The following NUMA1 variants were observed in gnomAD, a reference collection of about 807,000 sequenced individuals.
The protein encoded by NUMA1 is SP-H antigen.
NUMA1 carries 62 observed loss-of-function variants against 237.1 expected under a neutral mutation model. The ratio of observed to expected loss-of-function variants is 0.26; its 90% CI spans 0.21 to 0.32. The LOEUF (loss-of-function observed/expected upper bound fraction) is 0.32. Among genes scored for constraint, NUMA1 ranks in the 10% least tolerant of loss-of-function variants. The pLI is 1.00. For synonymous variants in NUMA1, 1,028 were observed against 1,066.1 expected (o/e 0.96, Z 0.70); for missense variants, 2,533 against 2,666.5 (o/e 0.95, Z 1.10).
intron 4 of NUMA1, among the ~76,000 whole-genome samples, chr11:72,026,652 T>A (rs926197567): frequency 1.1e-4 from 17 of 152,170 alleles, no homozygotes; most frequent in East Asian, 3.8e-4. Context: ...ATTTTTTTTT[T>A]AATTTTTTAA....
intron 3 of NUMA1, among the ~76,000 whole-genome samples, chr11:72,031,126 C>A (rs564574291): frequency 1.3e-5 from 2 of 151,808 alleles, no homozygotes; most frequent in South Asian, 4.2e-4. Context: ...CTTGTCTCTA[C>A]TAAATAAATA....
chr11:72,019,600 A>C lies in NUMA1; in HGVS notation c.478T>G (p.Cys160Gly). ...FLQKAPVPST[C>G]SSTFPEELSP... is the part of the protein sequence containing the mutation. ...AGCTCTTCAGGGAATGTGCTAGAAC[A>C]GGTAGAAGGCACAGGAGCTGGGGGT... Residue 160 changes from cysteine (C) to glycine (G), a missense_variant, in exon 9 of 27, where the codon TGT (cysteine) becomes GGT (glycine). Transcript: ENST00000393695. 6.2e-7 allele frequency: 1 copy of C among 1,613,578 alleles called. No homozygotes were observed. Among genetic ancestry groups the C allele is most frequent in the Non-Finnish European group, 8.5e-7 (1 of 1,179,626 alleles).
Position 72,015,854 on chromosome 11 carries a change from C to T in NUMA1, c.1649G>A (p.Arg550His), listed in dbSNP as rs1451844373. Residue 550 changes from arginine (R) to histidine (H), a missense_variant, in exon 15 of 27, where the codon CGC (arginine) becomes CAC (histidine). Around this residue, in one of 3 missense-constraint regions of NUMA1, gnomAD observed 1,414 missense variants for 1,508.1 expected, o/e 0.94. Transcript: ENST00000393695. The surrounding 1 kb of genome is among the most constrained non-coding windows in gnomAD (Gnocchi z 4.0). ...ACTGCTTAGCTGCTCCACCTGGTGG[C>T]GGAGGCCCTGGGAGGCCTGTTCTTG... Reference protein sequence around the residue: ...QQQEQASQGLRHQVEQLSSSL... With the variant: ...QQQEQASQGLHHQVEQLSSSL... The T allele has an allele frequency of 1.4e-5, 22 of 1,614,016 alleles. No individual in the cohort carries two copies. Among genetic ancestry groups the T allele is most frequent in the Non-Finnish European group, 1.7e-5 (20 of 1,180,036 alleles).
rs35681270 is a variant in NUMA1, at chr11:72,004,687, G to A, written c.5959C>T (p.Arg1987Cys). Reference protein sequence around the residue: ...EGTGITTRQQRKRVSLEPHQG... With the variant: ...EGTGITTRQQCKRVSLEPHQG... ...TGGGGCTCTAGGGAGACCCGTTTGCGCTGCTGCCGGGTGGTGATGCCAGTG... is the reference window on the plus strand; with the variant it reads ...TGGGGCTCTAGGGAGACCCGTTTGCACTGCTGCCGGGTGGTGATGCCAGTG... Residue 1987 changes from arginine (R) to cysteine (C), a missense_variant, in exon 24 of 27, where the codon CGC becomes TGC. Arg to Cys is a radical substitution (Grantham distance 180). Around this residue, in one of 3 missense-constraint regions of NUMA1, gnomAD observed 795 missense variants for 750.8 expected, o/e 1.06. Coordinates refer to ENST00000393695, the MANE Select transcript of NUMA1 (RefSeq NM_006185.4). 1.6e-3 allele frequency: 2,645 copies of A among 1,613,616 alleles called. 5 individuals carry two copies. The highest frequency in any genetic ancestry group is 2.1e-3 in the Non-Finnish European group (2,479 of 1,179,966).
At chr11:72,079,438 G>A (rs1943919007) in intron 1 of NUMA1, among the ~76,000 whole-genome samples, 1 of 152,170 alleles carries the variant, frequency 6.6e-6, no homozygotes, top group Non-Finnish European at 1.5e-5. Flanking sequence ...CTACTCGGGA[G>A]GCTGAGGCAG....
chr11:72,014,582 G>A lies in NUMA1; in HGVS notation c.2921C>T (p.Ala974Val). The A allele has an allele frequency of 6.2e-7, 1 of 1,604,696 alleles. No homozygotes were observed. Among genetic ancestry groups the A allele is most frequent in the Non-Finnish European group, 8.5e-7 (1 of 1,179,990 alleles). ...QAALQAMEREAEQMGNELERL... is the reference protein window; with the variant it reads ...QAALQAMEREVEQMGNELERL... The stretch of plus-strand genomic sequence containing the variant: ...TTCCAGCTCATTGCCCATCTGCTCT[G>A]CCTCCCGCTCCATAGCCTGCAGCGC... Residue 974 changes from alanine to valine, a missense_variant, in exon 15 of 27, where the codon GCA (alanine) becomes GTA (valine). Physicochemically the swap from Ala to Val is moderately conservative, Grantham distance 64. This residue lies in a region of NUMA1 where 1,414 missense variants were observed against 1,508.1 expected (regional missense o/e 0.94). Transcript: ENST00000393695. This position sits in a 1 kb window ranked among gnomAD's most constrained non-coding sequence, Gnocchi z 4.6.
chr11:72,013,829 C>T lies in NUMA1; in HGVS notation c.3674G>A (p.Ser1225Asn), dbSNP rs770056860. Residue 1225 changes from serine (S) to asparagine (N), a missense_variant, in exon 15 of 27, where the codon AGC becomes AAC. Transcript: ENST00000393695. This position sits in a 1 kb window ranked among gnomAD's most constrained non-coding sequence, Gnocchi z 6.8. Reference protein sequence around the residue: ...RGRQEAERKNSLISSLEEEVS... With the variant: ...RGRQEAERKNNLISSLEEEVS... Reference sequence around the variant, plus strand: ...CTCCTCCTCCAAGCTGCTGATGAGGCTATTTTTCCTCTCAGCCTCTTGCCG... The same window carrying T: ...CTCCTCCTCCAAGCTGCTGATGAGGTTATTTTTCCTCTCAGCCTCTTGCCG... The T allele has an allele frequency of 6.2e-7, 1 of 1,612,450 alleles. No individual in the cohort carries two copies. Among genetic ancestry groups the T allele is most frequent in the Non-Finnish European group, 8.5e-7 (1 of 1,180,018 alleles).
intron 12 of NUMA1, 101 bp from the exon 13 acceptor site, chr11:72,017,928 C>A: frequency 7.2e-7 from 1 of 1,382,254 alleles, no homozygotes; most frequent in East Asian, 2.3e-5. Flanking sequence ...CTCCAATTAT[C>A]CTGCCAACCC....
intron 8 of NUMA1, among the ~76,000 whole-genome samples, chr11:72,019,894 A>G (rs1236656029): frequency 6.6e-6 from 1 of 152,132 alleles, no homozygotes; most frequent in Non-Finnish European, 1.5e-5. Flanking sequence ...TGGCTCAGAA[A>G]CTGCACCAAG....
intron 3 of NUMA1, among the ~76,000 whole-genome samples, chr11:72,033,576 T>C (rs1940628728): frequency 6.6e-6 from 1 of 151,980 alleles, no homozygotes; most frequent in Non-Finnish European, 1.5e-5. Flanking sequence ...TCTCACCACG[T>C]TGCCCAGGGT....
Position 72,013,119 on chromosome 11 carries a change from G to A in NUMA1, c.4384C>T (p.Arg1462Trp), listed in dbSNP as rs571492735. 2.0e-5 allele frequency: 33 copies of A among 1,614,156 alleles called. No individual in the cohort carries two copies. The highest frequency in any genetic ancestry group is 2.0e-4 in the East Asian group (9 of 44,882). The change falls in exon 15 of 27, where the codon CGG (arginine) becomes TGG (tryptophan). Residue 1462 changes from arginine to tryptophan, a missense_variant. Around this residue, in one of 3 missense-constraint regions of NUMA1, gnomAD observed 324 missense variants for 407.6 expected, o/e 0.79. Transcript: ENST00000393695. This position sits in a 1 kb window ranked among gnomAD's most constrained non-coding sequence, Gnocchi z 6.8. The stretch of plus-strand genomic sequence containing the variant: ...TCCAACTCCACTTCCAGAAACTGCC[G>A]GCCAAGGTTGGCCCGCTCACCCAGC... The part of the protein sequence containing the change: ...RGLGERANLG[R>W]QFLEVELDQA...
chr11:72,052,802 T>C (rs1824190851), intron 2 of NUMA1, among the ~76,000 whole-genome samples: 1 of 151,662 alleles, frequency 6.6e-6, no homozygotes, highest in African/African-American at 2.4e-5. Context: ...TAATATTAAA[T>C]TGTGAGGCAC....
intron 2 of NUMA1, among the ~76,000 whole-genome samples, chr11:72,061,679 C>A (rs867432234): frequency 1.3e-5 from 2 of 151,718 alleles, no homozygotes; most frequent in Non-Finnish European, 2.9e-5. Flanking sequence ...TTTGTAGAGA[C>A]AGGGCCTTGT....
rs565853894 is a variant in NUMA1 at position 72,024,301 on chromosome 11, G to C, written c.181C>G (p.Leu61Val). The C allele has an allele frequency of 6.2e-7, 1 of 1,614,220 alleles. No homozygotes were observed. Among genetic ancestry groups the C allele is most frequent in the South Asian group, 1.1e-5 (1 of 91,090 alleles). Residue 61 changes from leucine (L) to valine (V), a missense_variant, in exon 5 of 27, where the codon CTG becomes GTG. By Grantham distance (32) the Leu-to-Val change is conservative. Around this residue, in one of 3 missense-constraint regions of NUMA1, gnomAD observed 1,414 missense variants for 1,508.1 expected, o/e 0.94. Coordinates refer to ENST00000393695, the MANE Select transcript of NUMA1 (RefSeq NM_006185.4). ...QILKQPVSER[L>V]DFVCSFLQKN... is the part of the protein sequence containing the mutation. ...TGCAGAAAACTGCACACAAAGTCCAGTCTCTCTGACACCGGCTGCTTCAAG... is the reference window on the plus strand; with the variant it reads ...TGCAGAAAACTGCACACAAAGTCCACTCTCTCTGACACCGGCTGCTTCAAG...
rs1213426547 is a variant in NUMA1 at position 72,006,235 on chromosome 11, G to A, written c.5492C>T (p.Ala1831Val). ...KKLDVEEPDS[A>V]NSSFYSTRSA... ...CCGCGTGCTGTAGAACGATGAGTTG[G>A]CGCTGTCTGGCTCTTCCACATCTAG... Residue 1831 changes from alanine (A) to valine (V), a missense_variant, in exon 22 of 27, where the codon GCC (alanine) becomes GTC (valine). This residue lies in a region of NUMA1 where 795 missense variants were observed against 750.8 expected (regional missense o/e 1.06). Transcript: ENST00000393695. The A allele has an allele frequency of 6.2e-7, 1 of 1,614,038 alleles. No homozygotes were observed. The highest frequency in any genetic ancestry group is 8.5e-7 in the Non-Finnish European group (1 of 1,180,034).
intron 4 of NUMA1, among the ~76,000 whole-genome samples, chr11:72,025,435 C>A (rs544080652): frequency 6.6e-6 from 1 of 150,832 alleles, no homozygotes; most frequent in Admixed American, 6.6e-5. Flanking sequence ...GAATACTAGT[C>A]CCTGGGATCC....
chr11:72,050,731 T>A (rs1453758895), intron 2 of NUMA1: 2 of 152,228 alleles, frequency 1.3e-5, no homozygotes, highest in Non-Finnish European at 2.9e-5. Context: ...TCCAGTGCTC[T>A]CTCCAGCACA....
chr11:72,003,656 C>T, intron 26 of NUMA1, 118 bp from the exon 27 acceptor site: 1 of 1,362,416 alleles, frequency 7.3e-7, no homozygotes, highest in Non-Finnish European at 1.0e-6. Flanking sequence ...CCTTGTGAGC[C>T]CCAGGGTTAT....
intron 1 of NUMA1, among the ~76,000 whole-genome samples, chr11:72,071,644 A>G (rs1185940088): frequency 6.6e-6 from 1 of 152,230 alleles, no homozygotes; most frequent in Non-Finnish European, 1.5e-5. Flanking sequence ...AAGTTTCCTG[A>G]GTGTTAATAG....
Sources: allele counts gnomAD v4.1 joint callset (sites outside exome capture counted in the v4.1 genomes callset), GRCh38; gene constraint gnomAD v4.1.1; regional missense constraint gnomAD v4.1.1; non-coding constraint Gnocchi (gnomAD v3.1); transcripts MANE v1.5; gene names NCBI Gene and HGNC (gene_info 2026-07-23, HGNC 2026-07-21).